Variants in PPM1E observed in about 807,000 individuals in gnomAD.
The protein encoded by PPM1E is protein phosphatase 1E.
PPM1E carries 20 observed loss-of-function variants against 65.9 expected under a neutral mutation model. The ratio of observed to expected loss-of-function variants is 0.30; its 90% CI spans 0.21 to 0.44. PPM1E has a LOEUF of 0.44. Ranked by LOEUF, PPM1E falls within the 20% of genes least tolerant of loss-of-function variation. PPM1E has a pLI of 1.00. For missense variants in PPM1E, 713 were observed against 953.1 expected (o/e 0.75, Z 3.32); for synonymous variants, 352 against 374.9 (o/e 0.94, Z 0.70).
Position 58,982,815 on chromosome 17 carries a change from C to A in PPM1E, c.*1784C>A, listed in dbSNP as rs921394109. ...AACTATAGTGCCGGAACCTTTTCATCATTCTGAGGCTTTGCCCCACACATG... is the reference window on the plus strand; with the variant it reads ...AACTATAGTGCCGGAACCTTTTCATAATTCTGAGGCTTTGCCCCACACATG... On this transcript the variant is annotated 3_prime_UTR_variant, in exon 7 of 7. Transcript: ENST00000308249. The A allele has an allele frequency of 2.2e-5, 27 of 1,208,408 alleles. No homozygotes were observed. Among genetic ancestry groups the A allele is most frequent in the African/African-American group, 3.1e-5 (2 of 65,544 alleles). The allele number at this position is 1,208,408 out of a possible 1,614,324, so 74.9% of individuals were successfully genotyped here.
At chr17:58,819,733 A>G (rs34913878) in intron 1 of PPM1E, among the ~76,000 whole-genome samples, 28,011 of 151,846 alleles carry the variant, frequency 0.18, 2,752 homozygotes, top group Non-Finnish European at 0.21. Flanking sequence ...GAGGTGCTAC[A>G]TGCTTTTAAA....
chr17:58,873,565 GTATTATTATTATTAT>G (rs140125879), intron 1 of PPM1E, among the ~76,000 whole-genome samples: 84 of 140,996 alleles, frequency 6.0e-4, no homozygotes, highest in African/African-American at 1.2e-3. Flanking sequence ...AATGCTCATA[GTATTATTATTATTAT>G]TATTATTATT....
chr17:58,927,296 T>G (rs915156208), intron 1 of PPM1E, among the ~76,000 whole-genome samples: 2 of 151,686 alleles, frequency 1.3e-5, no homozygotes, highest in African/African-American at 4.8e-5. Context: ...CCGGCTAATT[T>G]TTTTTGTATT....
chr17:58,974,999 C>T (rs1188416019), intron 6 of PPM1E, among the ~76,000 whole-genome samples: 3 of 152,112 alleles, frequency 2.0e-5, no homozygotes, highest in African/African-American at 7.2e-5. Flanking sequence ...CTAAAATATA[C>T]CCTTATATGG....
chr17:58,835,145 A>C (rs924602752), intron 1 of PPM1E, among the ~76,000 whole-genome samples: 6 of 152,198 alleles, frequency 3.9e-5, no homozygotes, highest in African/African-American at 1.4e-4. Context: ...GTTCGAGACC[A>C]GCCTCAGCAA....
intron 1 of PPM1E, among the ~76,000 whole-genome samples, chr17:58,810,867 C>T (rs1458362135): frequency 6.6e-6 from 1 of 151,522 alleles, no homozygotes; most frequent in Non-Finnish European, 1.5e-5. Flanking sequence ...CTGTTCTTTT[C>T]TTTTTTTTGA....
At chr17:58,955,823 G>C in intron 2 of PPM1E, 56 bp downstream of exon 2, 2 of 1,493,496 alleles carry the variant, frequency 1.3e-6, no homozygotes, top group Non-Finnish European at 1.8e-6. Context: ...TATATGTAGT[G>C]GTCCACAGAA....
At chr17:58,957,060 G>A (rs1002633522) in intron 2 of PPM1E, among the ~76,000 whole-genome samples, 5 of 152,120 alleles carry the variant, frequency 3.3e-5, no homozygotes, top group African/African-American at 1.2e-4. Context: ...TTTTTCCTCT[G>A]CTACTGATGC....
intron 1 of PPM1E, among the ~76,000 whole-genome samples, chr17:58,824,705 C>A (rs182922142): frequency 6.6e-6 from 1 of 151,542 alleles, no homozygotes; most frequent in Admixed American, 6.6e-5. Flanking sequence ...TCTCTGGCCT[C>A]AGGCTCCCGA....
intron 1 of PPM1E, chr17:58,785,490 A>ATATATATATATATATATATATATAT (rs6146107): frequency 4.5e-5 from 6 of 134,544 alleles, no homozygotes; most frequent in South Asian, 2.3e-4. Flanking sequence ...ATATATATAT[A>ATATATATATATATATATATATATAT]GTAGAACCAG....
At chr17:58,872,719 C>T (rs2051084971) in intron 1 of PPM1E, among the ~76,000 whole-genome samples, 1 of 152,128 alleles carries the variant, frequency 6.6e-6, no homozygotes, top group Admixed American at 6.5e-5. Context: ...ATGACAGCCA[C>T]CTGGGAAACA....
chr17:58,833,701 A>G (rs891733570), intron 1 of PPM1E, among the ~76,000 whole-genome samples: 5 of 152,022 alleles, frequency 3.3e-5, no homozygotes, highest in Non-Finnish European at 7.4e-5. Context: ...GCGAGTGCAT[A>G]TGTCTTTTTG....
chr17:58,933,106 T>C (rs2051924849), intron 1 of PPM1E, among the ~76,000 whole-genome samples: 2 of 152,330 alleles, frequency 1.3e-5, no homozygotes, highest in Middle Eastern at 3.4e-3. Flanking sequence ...TCTGGGTTTA[T>C]ATGAGTATGC....
At chr17:58,952,815 A>G (rs1313992687) in intron 1 of PPM1E, among the ~76,000 whole-genome samples, 1 of 152,116 alleles carries the variant, frequency 6.6e-6, no homozygotes, top group Admixed American at 6.6e-5. Context: ...CTGAGATTAC[A>G]GGTTCCCGCC....
chr17:58,960,921 A>G (rs2036730), intron 2 of PPM1E, among the ~76,000 whole-genome samples: 57,130 of 151,914 alleles, frequency 0.38, 10,958 homozygotes, highest in Middle Eastern at 0.51. Context: ...AAACAATATA[A>G]TTTTTTCCTG....
At chr17:58,972,614 G>A (rs1325474224) in intron 5 of PPM1E, among the ~76,000 whole-genome samples, 1 of 152,170 alleles carries the variant, frequency 6.6e-6, no homozygotes, top group Non-Finnish European at 1.5e-5. Context: ...GCCTCCCAAA[G>A]TACTGGGATT....
intron 1 of PPM1E, among the ~76,000 whole-genome samples, chr17:58,947,536 C>CT (rs78877158): frequency 0.012 from 1,502 of 130,326 alleles, 21 homozygotes; most frequent in African/African-American, 0.033. Flanking sequence ...TGCACCTGGC[C>CT]TTTTTTTTTT....
intron 1 of PPM1E, among the ~76,000 whole-genome samples, chr17:58,789,037 A>T (rs1431055802): frequency 3.3e-5 from 5 of 152,216 alleles, no homozygotes; most frequent in Non-Finnish European, 5.9e-5. Flanking sequence ...GAATATTCAT[A>T]ATGGCATATC....
chr17:58,898,405 A>G (rs1423422409), intron 1 of PPM1E, among the ~76,000 whole-genome samples: 1 of 152,238 alleles, frequency 6.6e-6, no homozygotes, highest in Non-Finnish European at 1.5e-5. Flanking sequence ...GACACATGAA[A>G]AAATGCTCAT....
Sources: gnomAD v4.1 joint callset for allele counts (sites outside exome capture counted in the v4.1 genomes callset) on GRCh38, gnomAD v4.1.1 for gene constraint, MANE v1.5 for transcripts, NCBI Gene and HGNC (gene_info 2026-07-23, HGNC 2026-07-21) for gene names.